RGPD2: variants seen among roughly 807,000 people sequenced by gnomAD.
RGPD2 encodes RANBP2-like and GRIP domain-containing protein 2.
RGPD2 carries 2 observed loss-of-function variants against 36.0 expected under a neutral mutation model. The ratio of observed to expected loss-of-function variants is 0.06; its 90% CI spans 0.02 to 0.17. RGPD2 has a LOEUF of 0.17. Among genes scored for constraint, RGPD2 ranks in the 10% least tolerant of loss-of-function variants. The probability of loss-of-function intolerance (pLI) is 1.00; values close to 1 mark genes in which losing one functional copy is unlikely to be tolerated. For missense variants in RGPD2, 40 were observed against 464.3 expected (o/e 0.09, Z 8.40); for synonymous variants, 19 against 163.8 (o/e 0.12, Z 6.75).
At chr2:87,809,292 G>A (rs1490111777) in intron 6 of RGPD2, among the ~76,000 whole-genome samples, 8 of 151,120 alleles carry the variant, frequency 5.3e-5, no homozygotes, top group African/African-American at 7.3e-5. Context: ...GCAACAGAGC[G>A]AGACTCCGTC....
the RGPD2 span, among the ~76,000 whole-genome samples, chr2:87,861,138 T>G: frequency 6.6e-6 from 1 of 151,374 alleles, no homozygotes; most frequent in Admixed American, 6.6e-5. Flanking sequence ...GTAAGTGTTT[T>G]TTTTTTTTTT....
chr2:87,958,107 A>C, the RGPD2 span, among the ~76,000 whole-genome samples: 4 of 152,052 alleles, frequency 2.6e-5, no homozygotes, highest in Non-Finnish European at 5.9e-5. Context: ...GAAAATTCTT[A>C]GGAAAATTAC....
the RGPD2 span, chr2:87,972,760 C>T: frequency 6.2e-7 from 1 of 1,600,442 alleles, no homozygotes. Flanking sequence ...ACAACCAGCC[C>T]TACCTCTGTG....
chr2:87,832,771 C>T, the RGPD2 span, among the ~76,000 whole-genome samples: 2 of 151,186 alleles, frequency 1.3e-5, 1 homozygote, highest in South Asian at 4.2e-4. Context: ...TCCTGGGCAA[C>T]ATAGCGAGAA....
chr2:87,921,223 C>A, the RGPD2 span, among the ~76,000 whole-genome samples: 10 of 152,102 alleles, frequency 6.6e-5, no homozygotes, highest in Non-Finnish European at 1.0e-4. Context: ...AAACTATAAA[C>A]CTGCAAAGGA....
chr2:87,966,676 G>A, the RGPD2 span, among the ~76,000 whole-genome samples: 43 of 152,092 alleles, frequency 2.8e-4, no homozygotes, highest in Admixed American at 8.5e-4. Flanking sequence ...GCCTGTAATC[G>A]CAGCACTTCG....
chr2:87,927,301 T>C, the RGPD2 span, among the ~76,000 whole-genome samples: 1 of 128,128 alleles, frequency 7.8e-6, no homozygotes, highest in Non-Finnish European at 1.7e-5. Context: ...GCTAGGTGCT[T>C]TATATACACC....
At chr2:87,973,477 T>C in the RGPD2 span, among the ~76,000 whole-genome samples, 1 of 130,794 alleles carries the variant, frequency 7.6e-6, no homozygotes, top group Non-Finnish European at 1.7e-5. Flanking sequence ...GGACATCCCA[T>C]ACGTAGTTTT....
At chr2:87,833,062 G>A in the RGPD2 span, among the ~76,000 whole-genome samples, 15 of 151,734 alleles carry the variant, frequency 9.9e-5, no homozygotes, top group Admixed American at 3.3e-4. Flanking sequence ...GTCATTAATC[G>A]AATGAAAATA....
the RGPD2 span, among the ~76,000 whole-genome samples, chr2:87,864,576 T>TGATAGATA: frequency 0.011 from 1,594 of 151,108 alleles, 4 homozygotes; most frequent in Admixed American, 0.018. Flanking sequence ...CATAGATAGA[T>TGATAGATA]GATAGATAGA....
chr2:87,984,787 G>A, the RGPD2 span, among the ~76,000 whole-genome samples: 3 of 151,444 alleles, frequency 2.0e-5, no homozygotes, highest in South Asian at 2.1e-4. Context: ...AAAATTAGCC[G>A]GGCGTGGTGG....
chr2:87,825,271 A>C (rs1220022492), intron 1 of RGPD2: 7 of 383,828 alleles, frequency 1.8e-5, no homozygotes, highest in Admixed American at 9.0e-5. Flanking sequence ...CTCAAAACAA[A>C]TGATAGCCAT....
At chr2:87,974,877 T>C in the RGPD2 span, among the ~76,000 whole-genome samples, 3 of 152,122 alleles carry the variant, frequency 2.0e-5, no homozygotes, top group Non-Finnish European at 4.4e-5. Flanking sequence ...GCAGTTCCTT[T>C]TACTATTCAT....
chr2:87,914,944 T>C, the RGPD2 span, among the ~76,000 whole-genome samples: 1 of 152,124 alleles, frequency 6.6e-6, no homozygotes, highest in Non-Finnish European at 1.5e-5. Flanking sequence ...GGTTGGGAGT[T>C]GGGGACCAGC....
chr2:87,921,613 G>A, the RGPD2 span, among the ~76,000 whole-genome samples: 209 of 152,284 alleles, frequency 1.4e-3, no homozygotes, highest in Middle Eastern at 6.8e-3. Flanking sequence ...CAGGACCATT[G>A]TATATGGTAT....
At chr2:87,883,688 T>G in the RGPD2 span, among the ~76,000 whole-genome samples, 2 of 151,928 alleles carry the variant, frequency 1.3e-5, no homozygotes, top group South Asian at 4.1e-4. Flanking sequence ...AAAAATAAAC[T>G]TTAGGTCAAA....
At chr2:87,924,608 C>A in the RGPD2 span, among the ~76,000 whole-genome samples, 8 of 152,254 alleles carry the variant, frequency 5.3e-5, no homozygotes, top group South Asian at 1.5e-3. Flanking sequence ...CTTTAGAATG[C>A]CAGTAATAAA....
chr2:87,857,442 A>G, the RGPD2 span, among the ~76,000 whole-genome samples: 3 of 151,414 alleles, frequency 2.0e-5, no homozygotes, highest in Non-Finnish European at 4.4e-5. Flanking sequence ...TCCCAGGTTC[A>G]CGCCATTCTC....
At chr2:87,979,953 G>A in the RGPD2 span, among the ~76,000 whole-genome samples, 1 of 150,620 alleles carries the variant, frequency 6.6e-6, no homozygotes, top group African/African-American at 2.4e-5. Context: ...TAGGTTACAT[G>A]AGTGTGCATA....
Sources: gnomAD v4.1 joint callset for allele counts (sites outside exome capture counted in the v4.1 genomes callset) on GRCh38, gnomAD v4.1.1 for gene constraint, MANE v1.5 for transcripts, NCBI Gene and HGNC (gene_info 2026-07-23, HGNC 2026-07-21) for gene names.